Variants in RPS6KC1 observed in about 807,000 individuals in gnomAD.
RPS6KC1 encodes ribosomal protein S6 kinase C1.
RPS6KC1 carries 54 observed loss-of-function variants against 103.8 expected under a neutral mutation model. That is an observed-to-expected ratio of 0.52 (90% CI 0.42 to 0.65). The LOEUF (loss-of-function observed/expected upper bound fraction) is 0.65, where lower values mean the gene tolerates loss of function less well. Ranked by LOEUF, RPS6KC1 falls within the 30% of genes least tolerant of loss-of-function variation. RPS6KC1 has a pLI of 0.00. For missense variants in RPS6KC1, 1,151 were observed against 1,253.8 expected, an observed-to-expected ratio of 0.92 and a Z score of 1.24; for synonymous variants, 439 against 438.7, an observed-to-expected ratio of 1.00 and a Z score of -0.01.
chr1:213,215,422 G>A (rs965617988), intron 8 of RPS6KC1, among the ~76,000 whole-genome samples: 5 of 152,172 alleles, frequency 3.3e-5, no homozygotes, highest in African/African-American at 1.2e-4. Context: ...TGAAAGTGAC[G>A]GGGAGAATGG....
chr1:213,496,725 T>C, the RPS6KC1 span, among the ~76,000 whole-genome samples: 1 of 151,212 alleles, frequency 6.6e-6, no homozygotes, highest in Non-Finnish European at 1.5e-5. Flanking sequence ...ACCACTGCAC[T>C]CCAGCCTGGG....
chr1:213,745,358 G>T, the RPS6KC1 span, among the ~76,000 whole-genome samples: 1 of 151,580 alleles, frequency 6.6e-6, no homozygotes, highest in Middle Eastern at 3.4e-3. Context: ...TTTCCTCTGG[G>T]GGCTGTTTGT....
At chr1:213,396,488 C>A in the RPS6KC1 span, among the ~76,000 whole-genome samples, 2 of 152,162 alleles carry the variant, frequency 1.3e-5, no homozygotes, top group African/African-American at 4.8e-5. Context: ...GAGGACCCAT[C>A]TCTGGGCTGA....
At chr1:213,818,558 C>T in the RPS6KC1 span, 1 of 152,176 alleles carries the variant, frequency 6.6e-6, no homozygotes, top group Non-Finnish European at 1.5e-5. Flanking sequence ...TGGAACCAAA[C>T]CCGCTGTATT....
At chr1:213,119,660 A>C (rs982086974) in intron 5 of RPS6KC1, among the ~76,000 whole-genome samples, 1 of 151,734 alleles carries the variant, frequency 6.6e-6, no homozygotes, top group African/African-American at 2.4e-5. Context: ...CCATGGTGAA[A>C]GAACGGTATC....
chr1:213,789,332 G>A, the RPS6KC1 span, among the ~76,000 whole-genome samples: 1 of 152,296 alleles, frequency 6.6e-6, no homozygotes, highest in East Asian at 1.9e-4. Flanking sequence ...CTAATTTGAT[G>A]TGAAATATTT....
chr1:213,159,030 A>G (rs1035957745), intron 6 of RPS6KC1, among the ~76,000 whole-genome samples: 42 of 152,322 alleles, frequency 2.8e-4, no homozygotes, highest in African/African-American at 9.6e-4. Flanking sequence ...GACAAAGTTC[A>G]TATGCAAAAC....
chr1:213,239,484 T>G (rs2094302427), intron 10 of RPS6KC1, among the ~76,000 whole-genome samples: 1 of 152,192 alleles, frequency 6.6e-6, no homozygotes, highest in Non-Finnish European at 1.5e-5. Context: ...TCAGGTGCTA[T>G]GTGTATTTAT....
chr1:213,685,388 T>G, the RPS6KC1 span, among the ~76,000 whole-genome samples: 25 of 152,320 alleles, frequency 1.6e-4, no homozygotes, highest in East Asian at 2.7e-3. Flanking sequence ...CCCAGCACTT[T>G]GGGAGGCTGA....
chr1:213,117,056 A>G (rs2083733179), intron 4 of RPS6KC1, among the ~76,000 whole-genome samples: 1 of 152,216 alleles, frequency 6.6e-6, no homozygotes, highest in South Asian at 2.1e-4. Flanking sequence ...TGCAGAAAGT[A>G]CAGAGTTTTC....
the RPS6KC1 span, among the ~76,000 whole-genome samples, chr1:213,536,433 A>G: frequency 1.3e-5 from 2 of 152,210 alleles, no homozygotes; most frequent in Non-Finnish European, 2.9e-5. Context: ...GAGCAAAACA[A>G]TTTCAAAGCA....
At chr1:213,190,238 C>T (rs986968470) in intron 8 of RPS6KC1, among the ~76,000 whole-genome samples, 1 of 152,036 alleles carries the variant, frequency 6.6e-6, no homozygotes, top group African/African-American at 2.4e-5. Context: ...AAACTGTTCT[C>T]CATGGTGGTT....
the RPS6KC1 span, among the ~76,000 whole-genome samples, chr1:213,734,733 A>G: frequency 1.3e-5 from 2 of 152,242 alleles, no homozygotes; most frequent in African/African-American, 4.8e-5. Flanking sequence ...TGAGTGACAG[A>G]GAGTATCAAT....
the RPS6KC1 span, among the ~76,000 whole-genome samples, chr1:213,391,651 T>G: frequency 6.6e-6 from 1 of 152,212 alleles, no homozygotes; most frequent in Non-Finnish European, 1.5e-5. Flanking sequence ...GGCTTTAATC[T>G]TTTAGTGCCT....
At chr1:213,391,890 C>T in the RPS6KC1 span, among the ~76,000 whole-genome samples, 1 of 152,324 alleles carries the variant, frequency 6.6e-6, no homozygotes, top group Admixed American at 6.5e-5. Flanking sequence ...TTAGGATCAT[C>T]CTTGACAAGG....
At chr1:213,380,619 T>A in the RPS6KC1 span, among the ~76,000 whole-genome samples, 8 of 152,210 alleles carry the variant, frequency 5.3e-5, no homozygotes, top group East Asian at 1.2e-3. Flanking sequence ...TGATAATAAT[T>A]ATACAATGTG....
chr1:213,272,612 A>G lies in RPS6KC1; in HGVS notation c.3179A>G (p.Asp1060Gly). Residue 1060 changes from aspartate to glycine, a missense_variant, in exon 15 of 15, where the codon GAT becomes GGT. Physicochemically the swap from Asp to Gly is moderately conservative, Grantham distance 94. Transcript: ENST00000366960. The part of the protein sequence containing the change: ...IKSHPFFTPV[D>G]WAELMR ...TCTCATCCATTTTTTACCCCTGTGG[A>G]TTGGGCAGAACTGATGAGATGAACG... The G allele has an allele frequency of 6.2e-7, 1 of 1,613,022 alleles. No individual in the cohort carries two copies. Among genetic ancestry groups the G allele is most frequent in the Non-Finnish European group, 8.5e-7 (1 of 1,179,154 alleles).
the RPS6KC1 span, among the ~76,000 whole-genome samples, chr1:213,317,067 G>A: frequency 2.4e-3 from 373 of 152,250 alleles, 2 homozygotes; most frequent in African/African-American, 8.3e-3. Context: ...TTCCAGCAAA[G>A]GAGCGATAAA....
the RPS6KC1 span, among the ~76,000 whole-genome samples, chr1:213,788,616 C>G: frequency 6.6e-6 from 1 of 152,130 alleles, no homozygotes; most frequent in Non-Finnish European, 1.5e-5. Context: ...CAGGAAACTT[C>G]AGAGTTAGTC....
Sources: gnomAD v4.1 joint callset for allele counts (sites outside exome capture counted in the v4.1 genomes callset) on GRCh38, gnomAD v4.1.1 for gene constraint, MANE v1.5 for transcripts, NCBI Gene and HGNC (gene_info 2026-07-23, HGNC 2026-07-21) for gene names.